Variants in FOXL2NB observed in about 807,000 individuals in gnomAD.
FOXL2NB encodes the protein FOXL2 neighbor.
A neutral mutation model predicts 7.4 loss-of-function variants in FOXL2NB; 10 were observed. That is an observed-to-expected ratio of 1.34 (90% confidence interval 0.83 to 2.28). The LOEUF (loss-of-function observed/expected upper bound fraction) is 2.28, where lower values mean the gene tolerates loss of function less well. Ranked by LOEUF, FOXL2NB falls within the 30% of genes most tolerant of loss-of-function variation. The probability of loss-of-function intolerance (pLI) is 0.00; values close to 1 mark genes in which losing one functional copy is unlikely to be tolerated. For synonymous variants in FOXL2NB, 104 were observed against 105.3 expected (o/e 0.99, Z 0.08); for missense variants, 228 against 233.9 (o/e 0.97, Z 0.17).
Position 138,953,471 on chromosome 3 carries a change from T to TATA in FOXL2NB, c.*2899_*2900insATA, listed in dbSNP as rs1244022949. On this transcript the variant is annotated 3_prime_UTR_variant, in exon 3 of 3. Transcript: ENST00000383165. ...TGTGAATGCCATTATTTTGTTCCTT[T>TATA]TTATGGCTGAGTAGTATTCCATGGT... The TATA allele has an allele frequency of 6.6e-6, 1 of 152,248 alleles. No individual in the cohort carries two copies. The highest frequency in any genetic ancestry group is 1.5e-5 in the Non-Finnish European group (1 of 68,042). 9.4% of individuals were successfully genotyped at this position (152,248 alleles called of 1,614,324 possible).
At position 138,950,278 on chromosome 3, in the gene FOXL2NB, G is replaced by A; in HGVS notation, c.234G>A (p.Leu78=). 2 of 1,604,548 alleles carry A rather than the reference G, an allele frequency of 1.2e-6. No individual in the cohort carries two copies. The highest frequency in any genetic ancestry group is 1.1e-5 in the South Asian group (1 of 90,014). The part of the protein sequence containing the change: ...SKAQKTGPGI[L]QQRQKPPAPR... Reference sequence around the variant, plus strand: ...TTTTCTCCCCAGGGCCGGGAATCCTGCAACAGCGGCAGAAGCCGCCCGCGC... The same window carrying A: ...TTTTCTCCCCAGGGCCGGGAATCCTACAACAGCGGCAGAAGCCGCCCGCGC... The change falls in exon 3 of 3, where the codon CTG becomes CTA. Residue 78 remains leucine (L), a synonymous_variant. Coordinates refer to ENST00000383165, the MANE Select transcript of FOXL2NB (RefSeq NM_001040061.3).
At position 138,949,386 on chromosome 3, in the gene FOXL2NB, A is replaced by C; in HGVS notation, c.101-134A>C. 1 of 885,722 alleles carries C rather than the reference A, an allele frequency of 1.1e-6. No homozygotes were observed. The highest frequency in any genetic ancestry group is 2.0e-5 in the South Asian group (1 of 51,256). 54.9% of individuals were successfully genotyped at this position (885,722 alleles called of 1,614,324 possible). ...CTTTAAAGAGCCTGTGTGTGTATGC[A>C]TGTGCGTGTGTGTGTGTGTGTGTGT... is the stretch of plus-strand genomic sequence containing the variant. On this transcript the variant is annotated intron_variant, in intron 1 of 2. Transcript: ENST00000383165. The surrounding 1 kb of genome is among the most constrained non-coding windows in gnomAD (Gnocchi z 4.5).
At position 138,949,619 on chromosome 3, in the gene FOXL2NB, A is replaced by T. The variant is rs751468798; in HGVS notation, c.200A>T (p.His67Leu). 26 of 1,551,972 alleles carry T rather than the reference A, an allele frequency of 1.7e-5. No homozygotes were observed. Among genetic ancestry groups the T allele is most frequent in the East Asian group, 6.7e-5 (3 of 44,882 alleles). The stretch of plus-strand genomic sequence containing the variant: ...ATGTGCCTTCACATGGCTGTCCGGC[A>T]TTCGAAGGCTCAGAAAACAGGCAAG... ...PKMCLHMAVR[H>L]SKAQKTGPGI... is the part of the protein sequence containing the mutation. The change falls in exon 2 of 3, where the codon CAT becomes CTT. Residue 67 changes from histidine (H) to leucine (L), a missense_variant. Physicochemically the swap from His to Leu is moderately conservative, Grantham distance 99 (BLOSUM62 -3). Coordinates refer to ENST00000383165, the MANE Select transcript of FOXL2NB (RefSeq NM_001040061.3). The surrounding 1 kb of genome is among the most constrained non-coding windows in gnomAD (Gnocchi z 4.5).
intron 1 of FOXL2NB, among the ~76,000 whole-genome samples, chr3:138,948,800 A>C (rs1001629364): frequency 2.0e-5 from 3 of 152,162 alleles, no homozygotes; most frequent in African/African-American, 7.2e-5. Flanking sequence ...GAGGGAGGAC[A>C]AGGGTGGTAG....
chr3:138,947,649 G>T lies in FOXL2NB; in HGVS notation c.100+185G>T. ...GACTGTACGAAGAAGCCTCGGCCTGGCCTGTCCCTCGCGCTCTCAGAGTGA... is the reference window on the plus strand; with the variant it reads ...GACTGTACGAAGAAGCCTCGGCCTGTCCTGTCCCTCGCGCTCTCAGAGTGA... On this transcript the variant is annotated intron_variant, in intron 1 of 2. Transcript: ENST00000383165. The surrounding 1 kb of genome is among the most constrained non-coding windows in gnomAD (Gnocchi z 5.2). The T allele has an allele frequency of 7.3e-7, 1 of 1,372,206 alleles. No homozygotes were observed. Among genetic ancestry groups the T allele is most frequent in the Non-Finnish European group, 9.4e-7 (1 of 1,066,710 alleles). The allele number at this position is 1,372,206 out of a possible 1,614,324, so 85.0% of individuals were successfully genotyped here.
In FOXL2NB at chr3:138,949,835, C is replaced by G; in HGVS notation, c.220+196C>G. 1.3e-6 allele frequency: 1 copy of G among 770,944 alleles called. No individual in the cohort carries two copies. The allele number at this position is 770,944 out of a possible 1,614,324, so 47.8% of individuals were successfully genotyped here. A position where few individuals can be genotyped will look rare whatever the true frequency, so the allele number is the denominator to read the frequency against. Reference sequence around the variant, plus strand: ...CGGTGCGGGGCGCCCTGATTTACTTCTCAACCTTCGGAGGTAGGCTGGTTG... The same window carrying G: ...CGGTGCGGGGCGCCCTGATTTACTTGTCAACCTTCGGAGGTAGGCTGGTTG... On this transcript the variant is annotated intron_variant, in intron 2 of 2. Coordinates refer to ENST00000383165, the MANE Select transcript of FOXL2NB (RefSeq NM_001040061.3). This position sits in a 1 kb window ranked among gnomAD's most constrained non-coding sequence, Gnocchi z 4.5.
In FOXL2NB at chr3:138,947,278, C is replaced by T; in HGVS notation, c.-87C>T. 9.3e-7 allele frequency: 1 copy of T among 1,073,912 alleles called. No individual in the cohort carries two copies. Among genetic ancestry groups the T allele is most frequent in the Non-Finnish European group, 1.4e-6 (1 of 737,802 alleles). The allele number at this position is 1,073,912 out of a possible 1,614,324, so 66.5% of individuals were successfully genotyped here. ...CACAGCCTGGACCGGCCTGCCCCCG[C>T]CCAGCGAGCCTCAGGGGCCCAGCCG... On this transcript the variant is annotated 5_prime_UTR_variant, in exon 1 of 3. Transcript: ENST00000383165. This position sits in a 1 kb window ranked among gnomAD's most constrained non-coding sequence, Gnocchi z 5.2.
rs1936162907 is a variant in FOXL2NB at position 138,953,068 on chromosome 3, G to A, written c.*2496G>A. The A allele has an allele frequency of 6.8e-6, 1 of 146,940 alleles. No individual in the cohort carries two copies. Among genetic ancestry groups the A allele is most frequent in the Admixed American group, 7.2e-5 (1 of 13,860 alleles). The allele number at this position is 146,940 out of a possible 1,614,324, so 9.1% of individuals were successfully genotyped here. The stretch of plus-strand genomic sequence containing the variant: ...AGAGTCTCACTCTGTTGCCCAGGCT[G>A]GAGTGCAGTGGCATGAACTTGGCTT... On this transcript the variant is annotated 3_prime_UTR_variant, in exon 3 of 3. Transcript: ENST00000383165.
Position 138,953,762 on chromosome 3 carries a change from C to T in FOXL2NB, c.*3190C>T, listed in dbSNP as rs1379089120. On this transcript the variant is annotated 3_prime_UTR_variant, in exon 3 of 3. Coordinates refer to ENST00000383165, the MANE Select transcript of FOXL2NB (RefSeq NM_001040061.3). ...TTTCTATCACCATAAATAACCTTTG[C>T]CTGCCTTGAGCCTCGTATAAATGGA... Among the ~76,000 whole-genome samples the T allele has an allele frequency of 6.6e-6, 1 of 152,194 alleles. No homozygotes were observed. The highest frequency in any genetic ancestry group is 2.4e-5 in the African/African-American group (1 of 41,432).
Position 138,949,570 on chromosome 3 carries a change from A to T in FOXL2NB, c.151A>T (p.Arg51Trp), listed in dbSNP as rs528584803. The change falls in exon 2 of 3, where the codon AGG (arginine) becomes TGG (tryptophan). Residue 51 changes from arginine to tryptophan, a missense_variant. Physicochemically the swap from Arg to Trp is moderately radical, Grantham distance 101. Transcript: ENST00000383165. The surrounding 1 kb of genome is among the most constrained non-coding windows in gnomAD (Gnocchi z 4.5). ...GATGCCTGATGCGTGCACCCTGGGA[A>T]GGGCTGGAATCGGTCTCCCCAAGAT... ...KRMPDACTLG[R>W]AGIGLPKMCL... 25 of 1,614,146 alleles carry T rather than the reference A, an allele frequency of 1.5e-5. No homozygotes were observed. The East Asian group carries it at 2.2e-4, about 14-fold the overall frequency.
At position 138,952,205 on chromosome 3, in the gene FOXL2NB, G is replaced by C. The variant is rs1220004777; in HGVS notation, c.*1633G>C. 6.6e-6 allele frequency: 1 copy of C among 152,256 alleles called. No homozygotes were observed. Among genetic ancestry groups the C allele is most frequent in the Non-Finnish European group, 1.5e-5 (1 of 68,068 alleles). 9.4% of individuals were successfully genotyped at this position (152,256 alleles called of 1,614,324 possible). Reference sequence around the variant, plus strand: ...CAGGGCAGCTGGCTTGCAAGGTAAGGCCTGCAGTCTCCACCCGCACGCTAA... The same window carrying C: ...CAGGGCAGCTGGCTTGCAAGGTAAGCCCTGCAGTCTCCACCCGCACGCTAA... On this transcript the variant is annotated 3_prime_UTR_variant, in exon 3 of 3. Coordinates refer to ENST00000383165, the MANE Select transcript of FOXL2NB (RefSeq NM_001040061.3).
chr3:138,952,197 A>T lies in FOXL2NB; in HGVS notation c.*1625A>T, dbSNP rs1936144649. ...TCTGCATTCAGGGCAGCTGGCTTGC[A>T]AGGTAAGGCCTGCAGTCTCCACCCG... is the stretch of plus-strand genomic sequence containing the variant. On this transcript the variant is annotated 3_prime_UTR_variant, in exon 3 of 3. Coordinates refer to ENST00000383165, the MANE Select transcript of FOXL2NB (RefSeq NM_001040061.3). 1 of 152,254 alleles carries T rather than the reference A, an allele frequency of 6.6e-6. No individual in the cohort carries two copies. The highest frequency in any genetic ancestry group is 2.1e-4 in the South Asian group (1 of 4,832). The allele number at this position is 152,254 out of a possible 1,614,324, so 9.4% of individuals were successfully genotyped here. A position where few individuals can be genotyped will look rare whatever the true frequency, so the allele number is the denominator to read the frequency against.
In FOXL2NB at chr3:138,950,318, G is replaced by C. The variant is rs776473048; in HGVS notation, c.274G>C (p.Gly92Arg). Reference sequence around the variant, plus strand: ...GCCGCCCGCGCCTCGGGCTTCCGGCGGCCCAGCTCTACTAGGGAAGCGTCG... The same window carrying C: ...GCCGCCCGCGCCTCGGGCTTCCGGCCGCCCAGCTCTACTAGGGAAGCGTCG... ...QKPPAPRASG[G>R]PALLGKRRGC... is the part of the protein sequence containing the mutation. The change falls in exon 3 of 3, where the codon GGC becomes CGC. Residue 92 changes from glycine to arginine, a missense_variant. Transcript: ENST00000383165. 2 of 1,607,386 alleles carry C rather than the reference G, an allele frequency of 1.2e-6. No homozygotes were observed. The highest frequency in any genetic ancestry group is 2.2e-5 in the East Asian group (1 of 44,828).
In FOXL2NB at chr3:138,949,697, C is replaced by T. The variant is rs1559924230; in HGVS notation, c.220+58C>T. The T allele has an allele frequency of 1.9e-6, 3 of 1,611,484 alleles. No homozygotes were observed. Among genetic ancestry groups the T allele is most frequent in the Non-Finnish European group, 1.7e-6 (2 of 1,178,620 alleles). The stretch of plus-strand genomic sequence containing the variant: ...TGATTACTTTCAGGTCCCCTCCAGG[C>T]TTCTGCGGAAAAGCCAGGGGCTTCG... On this transcript the variant is annotated intron_variant, in intron 2 of 2. Coordinates refer to ENST00000383165, the MANE Select transcript of FOXL2NB (RefSeq NM_001040061.3). The surrounding 1 kb of genome is among the most constrained non-coding windows in gnomAD (Gnocchi z 4.5).
chr3:138,950,627 C>T lies in FOXL2NB; in HGVS notation c.*55C>T. Reference sequence around the variant, plus strand: ...ACTGTCAGCACTCACTCCCTCCCGGCCCCTCACAGGGCCCTTTGCACCCAC... The same window carrying T: ...ACTGTCAGCACTCACTCCCTCCCGGTCCCTCACAGGGCCCTTTGCACCCAC... On this transcript the variant is annotated 3_prime_UTR_variant, in exon 3 of 3. Coordinates refer to ENST00000383165, the MANE Select transcript of FOXL2NB (RefSeq NM_001040061.3). 1 of 1,594,288 alleles carries T rather than the reference C, an allele frequency of 6.3e-7. No individual in the cohort carries two copies. The highest frequency in any genetic ancestry group is 8.6e-7 in the Non-Finnish European group (1 of 1,168,620).
rs146404966 is a variant in FOXL2NB, at chr3:138,949,887, C to T, written c.220+248C>T. On this transcript the variant is annotated intron_variant, in intron 2 of 2. Coordinates refer to ENST00000383165, the MANE Select transcript of FOXL2NB (RefSeq NM_001040061.3). This position sits in a 1 kb window ranked among gnomAD's most constrained non-coding sequence, Gnocchi z 4.5. The stretch of plus-strand genomic sequence containing the variant: ...TGGCGAGGTCGGGATCCTCTCTGAA[C>T]AGGGCATACTGTGCCTAGGTTTTGT... 2.3e-4 allele frequency: 160 copies of T among 696,904 alleles called. 1 individual carries two copies. In the African/African-American group the frequency reaches 2.4e-3, roughly 11 times the overall value. 43.2% of individuals were successfully genotyped at this position (696,904 alleles called of 1,614,324 possible). A position where few individuals can be genotyped will look rare whatever the true frequency, so the allele number is the denominator to read the frequency against.
chr3:138,950,760 A>G lies in FOXL2NB; in HGVS notation c.*188A>G. The G allele has an allele frequency of 3.3e-6, 2 of 615,318 alleles. No individual in the cohort carries two copies. Among genetic ancestry groups the G allele is most frequent in the Non-Finnish European group, 5.6e-6 (2 of 358,528 alleles). The allele number at this position is 615,318 out of a possible 1,614,324, so 38.1% of individuals were successfully genotyped here. ...CCCCTCTAGTTCTCCCTCCCCTCCTACTTCTCTCACACTCACCAGCTACAC... is the reference window on the plus strand; with the variant it reads ...CCCCTCTAGTTCTCCCTCCCCTCCTGCTTCTCTCACACTCACCAGCTACAC... On this transcript the variant is annotated 3_prime_UTR_variant, in exon 3 of 3. Transcript: ENST00000383165.
rs1936177147 is a variant in FOXL2NB, at chr3:138,953,692, T to C, written c.*3120T>C. Among the ~76,000 whole-genome samples the C allele has an allele frequency of 6.6e-6, 1 of 152,228 alleles. No homozygotes were observed. The highest frequency in any genetic ancestry group is 1.5e-5 in the Non-Finnish European group (1 of 68,036). On this transcript the variant is annotated 3_prime_UTR_variant, in exon 3 of 3. Coordinates refer to ENST00000383165, the MANE Select transcript of FOXL2NB (RefSeq NM_001040061.3). ...TGGCACTTCAGAAGGTTCCTTCATA[T>C]CTTTTTCCAATCAATATTGCCTCAA... is the stretch of plus-strand genomic sequence containing the variant.
At position 138,952,225 on chromosome 3, in the gene FOXL2NB, C is replaced by G. The variant is rs180945410; in HGVS notation, c.*1653C>G. On this transcript the variant is annotated 3_prime_UTR_variant, in exon 3 of 3. Transcript: ENST00000383165. The stretch of plus-strand genomic sequence containing the variant: ...GTAAGGCCTGCAGTCTCCACCCGCA[C>G]GCTAACCCATGAGGGGATGCCAGAG... 1.3e-5 allele frequency: 2 copies of G among 152,174 alleles called. No homozygotes were observed. The highest frequency in any genetic ancestry group is 2.4e-5 in the African/African-American group (1 of 41,416). 9.4% of individuals were successfully genotyped at this position (152,174 alleles called of 1,614,324 possible).
Sources: allele counts gnomAD v4.1 joint callset (sites outside exome capture counted in the v4.1 genomes callset), GRCh38; gene constraint gnomAD v4.1.1; non-coding constraint Gnocchi (gnomAD v3.1); transcripts MANE v1.5; gene names NCBI Gene and HGNC (gene_info 2026-07-23, HGNC 2026-07-21).